Variants in INO80 observed in about 807,000 individuals in gnomAD.
INO80 encodes INO80 complex ATPase subunit.
A neutral mutation model predicts 203.4 loss-of-function variants in INO80; 20 were observed. The observed-to-expected ratio is 0.10, with a 90% CI of 0.07 to 0.14. The LOEUF (loss-of-function observed/expected upper bound fraction) is 0.14. INO80 is among the 10% of genes least tolerant of loss of function. The pLI is 1.00. For missense variants in INO80, 1,419 were observed against 1,914.4 expected, an observed-to-expected ratio of 0.74 and a Z score of 4.83; for synonymous variants, 726 against 685.2, an observed-to-expected ratio of 1.06 and a Z score of -0.93.
Position 40,980,396 on chromosome 15 carries a change from C to A in INO80, c.4498G>T (p.Ala1500Ser), listed in dbSNP as rs1245135413. 5 of 1,613,844 alleles carry A rather than the reference C, an allele frequency of 3.1e-6. No homozygotes were observed. The highest frequency in any genetic ancestry group is 4.2e-6 in the Non-Finnish European group (5 of 1,180,012). The change falls in exon 36 of 36, where the codon GCT becomes TCT. Residue 1500 changes from alanine (A) to serine (S), a missense_variant. By Grantham distance (99) the Ala-to-Ser change is moderately conservative (BLOSUM62 1). Around this residue, in one of 9 missense-constraint regions of INO80, gnomAD observed 112 missense variants for 106.2 expected, o/e 1.05. Transcript: ENST00000648947. ...GAAGGTCCAAAGTCAGCAAGGCCAG[C>A]AGGCCGAACAAGGGATGTCTGCAGA... ...SPLQTSLVRP[A>S]GLADFGPSSA... is the part of the protein sequence containing the mutation.
chr15:41,090,834 AT>A (rs981505334), intron 5 of INO80, among the ~76,000 whole-genome samples: 1 of 141,994 alleles, frequency 7.0e-6, no homozygotes, highest in African/African-American at 2.6e-5. Flanking sequence ...AAAATGATGT[AT>A]CTTTTTTTTT....
chr15:40,982,571 T>A (rs1370815510), intron 35 of INO80, among the ~76,000 whole-genome samples: 1 of 152,226 alleles, frequency 6.6e-6, no homozygotes, highest in Non-Finnish European at 1.5e-5. Flanking sequence ...AATGAAAGCC[T>A]AGGAAGAAAA....
intron 6 of INO80, among the ~76,000 whole-genome samples, chr15:41,087,102 T>C (rs1422399116): frequency 3.3e-5 from 5 of 151,562 alleles, no homozygotes; most frequent in Non-Finnish European, 4.4e-5. Flanking sequence ...TTCCACATCA[T>C]AGATTCAACC....
chr15:41,041,719 C>T (rs1056142885), intron 24 of INO80, among the ~76,000 whole-genome samples: 1 of 152,080 alleles, frequency 6.6e-6, no homozygotes, highest in African/African-American at 2.4e-5. Context: ...CTGGGATTAA[C>T]AGGCATGAGC....
In INO80 at chr15:40,998,104, C is replaced by T. The variant is rs567689438; in HGVS notation, c.3498-503G>A. On this transcript the variant is annotated intron_variant, in intron 28 of 35. Transcript: ENST00000648947. ...AGGCGCGATCTCAGCTCACTGCAAC[C>T]TCTGCCTCCTGGGTTCAAGCAATTC... 2.0e-5 allele frequency among the ~76,000 whole-genome samples: 3 copies of T among 147,438 alleles called. No homozygotes were observed. In the South Asian group the frequency reaches 6.4e-4, roughly 31 times the overall value.
intron 8 of INO80, among the ~76,000 whole-genome samples, chr15:41,080,386 A>C (rs968654858): frequency 1.3e-5 from 2 of 152,178 alleles, no homozygotes; most frequent in Non-Finnish European, 2.9e-5. Flanking sequence ...TGATCCTCAC[A>C]ATTCTTAAAG....
At chr15:41,046,223 A>ATATATG (rs2044762433) in intron 23 of INO80, among the ~76,000 whole-genome samples, 1 of 12,534 alleles carries the variant, frequency 8.0e-5, no homozygotes, top group Non-Finnish European at 2.4e-4. Context: ...ATATATATAT[A>ATATATG]TATATATATA....
chr15:41,041,252 C>G (rs143464673), intron 24 of INO80, among the ~76,000 whole-genome samples: 1 of 151,810 alleles, frequency 6.6e-6, no homozygotes, highest in Non-Finnish European at 1.5e-5. Context: ...TCATGCTTGG[C>G]TAATTTTTGT....
At chr15:41,016,280 C>T in intron 26 of INO80, 65 bp from the exon 27 acceptor site, 2 of 1,512,040 alleles carry the variant, frequency 1.3e-6, no homozygotes, top group Non-Finnish European at 1.8e-6. Context: ...TCACTCAATG[C>T]AAAGCTGTAT....
chr15:41,067,027 G>C (rs1438746529), intron 14 of INO80, among the ~76,000 whole-genome samples: 1 of 152,080 alleles, frequency 6.6e-6, no homozygotes. Context: ...AGCAGTGGAA[G>C]AGCTACTGAA....
At position 40,983,014 on chromosome 15, in the gene INO80, G is replaced by A; in HGVS notation, c.4301C>T (p.Pro1434Leu). Residue 1434 changes from proline to leucine, a missense_variant, in exon 35 of 36, where the codon CCC (proline) becomes CTC (leucine). By Grantham distance (98) the Pro-to-Leu change is moderately conservative. Transcript: ENST00000648947. ...TTTGGCTGTGCTTCCTGAACCTTTG[G>A]GGCGGCCTCGGCTTCGGGCTGAGTG... Reference protein sequence around the residue: ...RGHSARSRGRPKGSGSTAKGA... With the variant: ...RGHSARSRGRLKGSGSTAKGA... The A allele has an allele frequency of 2.5e-6, 4 of 1,614,108 alleles. No homozygotes were observed. The highest frequency in any genetic ancestry group is 1.3e-5 in the African/African-American group (1 of 75,048).
intron 27 of INO80, among the ~76,000 whole-genome samples, chr15:41,015,275 G>A (rs1230217946): frequency 6.6e-6 from 1 of 152,154 alleles, no homozygotes; most frequent in East Asian, 1.9e-4. Flanking sequence ...TAAATATCCT[G>A]ATGCCCAGGC....
chr15:40,989,083 GCA>G (rs1448131778), intron 29 of INO80, among the ~76,000 whole-genome samples: 4 of 151,998 alleles, frequency 2.6e-5, no homozygotes, highest in Non-Finnish European at 5.9e-5. Flanking sequence ...GGAGGCTGAG[GCA>G]GGAGAATTGC....
chr15:41,024,959 T>C (rs1354481769), intron 25 of INO80, among the ~76,000 whole-genome samples: 1 of 151,972 alleles, frequency 6.6e-6, no homozygotes, highest in Non-Finnish European at 1.5e-5. Flanking sequence ...TGTAGATCTG[T>C]GTATGAAATA....
chr15:41,058,829 T>C (rs746884140), intron 15 of INO80, 48 bp from the exon 16 acceptor site: 7 of 1,572,120 alleles, frequency 4.5e-6, no homozygotes, highest in South Asian at 3.5e-5. Context: ...TAATAATTCA[T>C]AATAAGGAAC....
At chr15:41,072,326 G>A (rs182805877) in intron 11 of INO80, among the ~76,000 whole-genome samples, 1 of 152,028 alleles carries the variant, frequency 6.6e-6, no homozygotes, top group East Asian at 1.9e-4. Flanking sequence ...ATGTTAAATA[G>A]GGGCTCCTAT....
intron 24 of INO80, among the ~76,000 whole-genome samples, chr15:41,043,540 G>A (rs1356142841): frequency 6.6e-6 from 1 of 152,192 alleles, no homozygotes; most frequent in East Asian, 1.9e-4. Flanking sequence ...GAAAACAGAA[G>A]AGAAGGAAAT....
chr15:41,000,733 A>C (rs1380128067), intron 28 of INO80, among the ~76,000 whole-genome samples: 4 of 151,166 alleles, frequency 2.6e-5, no homozygotes, highest in Non-Finnish European at 5.9e-5. Context: ...AAAAAAAAGA[A>C]AGAAAAGAAA....
intron 9 of INO80, among the ~76,000 whole-genome samples, chr15:41,077,984 T>C (rs901982561): frequency 6.7e-6 from 1 of 149,926 alleles, no homozygotes; most frequent in Non-Finnish European, 1.5e-5. Flanking sequence ...CACTGCAACC[T>C]CCACCTCCCG....
Sources: allele counts gnomAD v4.1 joint callset (sites outside exome capture counted in the v4.1 genomes callset), GRCh38; gene constraint gnomAD v4.1.1; regional missense constraint gnomAD v4.1.1; transcripts MANE v1.5; gene names NCBI Gene and HGNC (gene_info 2026-07-23, HGNC 2026-07-21).